Variants in DEUP1 observed in about 807,000 individuals in gnomAD.
The protein encoded by DEUP1 is coiled-coil domain containing 67.
DEUP1 carries 82 observed loss-of-function variants against 87.4 expected under a neutral mutation model. That is an observed-to-expected ratio of 0.94 (90% confidence interval 0.78 to 1.13). DEUP1 has a LOEUF of 1.13. Ranked by LOEUF, DEUP1 falls within the 50% of genes most tolerant of loss-of-function variation. DEUP1 has a pLI of 0.00. For synonymous variants in DEUP1, 214 were observed against 222.7 expected, an observed-to-expected ratio of 0.96 and a Z score of 0.35; for missense variants, 663 against 681.5, an observed-to-expected ratio of 0.97 and a Z score of 0.30.
intron 11 of DEUP1, among the ~76,000 whole-genome samples, chr11:93,399,787 A>G (rs748912884): frequency 6.6e-6 from 1 of 151,828 alleles, no homozygotes; most frequent in South Asian, 2.1e-4. Context: ...AGATAGTCTT[A>G]TCTCTTTTCC....
At position 93,409,038 on chromosome 11, in the gene DEUP1, G is replaced by A. The variant is rs1414974727; in HGVS notation, c.1523+611G>A. 2.0e-5 allele frequency among the ~76,000 whole-genome samples: 3 copies of A among 152,136 alleles called. No homozygotes were observed. In the East Asian group the frequency reaches 5.8e-4, roughly 29 times the overall value. ...CACCCGGATAATTTTTGTATTTTTA[G>A]TAGAGACAAGGTTTCACTATGTTGG... On this transcript the variant is annotated intron_variant, in intron 12 of 13. Transcript: ENST00000298050.
chr11:93,348,289 C>A (rs183359771), intron 2 of DEUP1, among the ~76,000 whole-genome samples: 20 of 152,114 alleles, frequency 1.3e-4, no homozygotes, highest in African/African-American at 4.8e-4. Context: ...AAAACCAACT[C>A]CTGGATTCAT....
chr11:93,353,218 T>C (rs959192512), intron 2 of DEUP1, among the ~76,000 whole-genome samples: 1 of 152,182 alleles, frequency 6.6e-6, no homozygotes, highest in Non-Finnish European at 1.5e-5. Flanking sequence ...CCATGCATGT[T>C]TGAAATCCAG....
At chr11:93,393,317 A>AT (rs147291187) in intron 9 of DEUP1, among the ~76,000 whole-genome samples, 38,646 of 150,122 alleles carry the variant, frequency 0.26, 5,241 homozygotes, top group South Asian at 0.37. Flanking sequence ...ATGCCTTTTT[A>AT]TTTTTTTTAT....
intron 1 of DEUP1, among the ~76,000 whole-genome samples, chr11:93,331,148 G>A (rs913291019): frequency 1.5e-5 from 2 of 137,480 alleles, no homozygotes; most frequent in African/African-American, 5.3e-5. Context: ...CACCATCCCT[G>A]CTCCTCTCCG....
intron 2 of DEUP1, among the ~76,000 whole-genome samples, chr11:93,339,547 G>A (rs1243560443): frequency 6.6e-6 from 1 of 152,124 alleles, no homozygotes; most frequent in Non-Finnish European, 1.5e-5. Context: ...ACCCATAGAG[G>A]CTATCCATTT....
chr11:93,362,651 A>G (rs1459737363), intron 4 of DEUP1, among the ~76,000 whole-genome samples: 3 of 151,918 alleles, frequency 2.0e-5, no homozygotes, highest in African/African-American at 4.8e-5. Context: ...CTGTTCATCA[A>G]AAAGTTATTA....
At position 93,385,558 on chromosome 11, in the gene DEUP1, T is replaced by C. The variant is rs201127769; in HGVS notation, c.935+15T>C. The C allele has an allele frequency of 7.6e-5, 119 of 1,573,026 alleles. 1 individual carries two copies. The East Asian group carries it at 2.6e-3, about 34-fold the overall frequency. The stretch of plus-strand genomic sequence containing the variant: ...AATAAAACAAGGTATAATCTTTATA[T>C]TTGACAATCTGAGAGAACTGTTCAA... On this transcript the variant is annotated intron_variant, in intron 8 of 13. Transcript: ENST00000298050.
intron 2 of DEUP1, among the ~76,000 whole-genome samples, chr11:93,345,953 T>C (rs964270611): frequency 6.6e-6 from 1 of 152,218 alleles, no homozygotes; most frequent in Non-Finnish European, 1.5e-5. Flanking sequence ...AGAATAGTGA[T>C]GCCTAGGTTG....
chr11:93,434,998 A>C (rs1450664028), intron 13 of DEUP1, among the ~76,000 whole-genome samples: 1 of 152,130 alleles, frequency 6.6e-6, no homozygotes, highest in Non-Finnish European at 1.5e-5. Context: ...GGACCAGTGG[A>C]TACCATGGTC....
At chr11:93,372,509 A>G (rs1195592134) in intron 7 of DEUP1, among the ~76,000 whole-genome samples, 4 of 152,070 alleles carry the variant, frequency 2.6e-5, no homozygotes, top group African/African-American at 9.7e-5. Flanking sequence ...CCAACTCCTC[A>G]TTCCCCCACC....
intron 8 of DEUP1, 100 bp downstream of exon 8, chr11:93,385,643 TTTGTATTAACATGTTAATTA>T (rs1375263228): frequency 2.2e-6 from 2 of 901,698 alleles, no homozygotes; most frequent in East Asian, 5.7e-5. Flanking sequence ...TAAAGTCTAT[TTTGTATTAACATGTTAATTA>T]GTGGGTAATA....
intron 11 of DEUP1, among the ~76,000 whole-genome samples, chr11:93,403,373 G>T (rs549394386): frequency 6.6e-6 from 1 of 151,982 alleles, no homozygotes; most frequent in South Asian, 2.1e-4. Context: ...AGAGTACTTG[G>T]TATATCCAAG....
chr11:93,418,302 CA>C (rs1423959688), intron 13 of DEUP1, among the ~76,000 whole-genome samples: 10 of 151,960 alleles, frequency 6.6e-5, no homozygotes, highest in African/African-American at 2.4e-4. Flanking sequence ...GGCTAATATC[CA>C]GAATCTACAA....
intron 5 of DEUP1, among the ~76,000 whole-genome samples, chr11:93,368,277 A>C (rs1312062933): frequency 6.6e-6 from 1 of 152,256 alleles, no homozygotes; most frequent in Non-Finnish European, 1.5e-5. Flanking sequence ...TAAATACCAT[A>C]GACTGGGTGG....
At position 93,331,166 on chromosome 11, in the gene DEUP1, T is replaced by A. The variant is rs61922363; in HGVS notation, c.-45+394T>A. 3.5e-3 allele frequency among the ~76,000 whole-genome samples: 540 copies of A among 152,122 alleles called. 2 individuals are homozygous for A. Among genetic ancestry groups the A allele is most frequent in the Non-Finnish European group, 5.1e-3 (347 of 67,942 alleles). On this transcript the variant is annotated intron_variant, in intron 1 of 13. Transcript: ENST00000298050. Reference sequence around the variant, plus strand: ...CATCCCTGCTCCTCTCCGCTCTGTCTCTCTTAATTCCAGGGTCTCTCTTAA... The same window carrying A: ...CATCCCTGCTCCTCTCCGCTCTGTCACTCTTAATTCCAGGGTCTCTCTTAA...
At chr11:93,356,901 C>A in intron 3 of DEUP1, 47 bp from the exon 4 acceptor site, 2 of 1,223,018 alleles carry the variant, frequency 1.6e-6, no homozygotes, top group South Asian at 1.4e-5. Context: ...CTGATTTTGT[C>A]AGGCAAAATT....
rs1321164980 is a variant in DEUP1, at chr11:93,437,900, T to G, written c.*181T>G. The G allele has an allele frequency of 8.2e-6, 4 of 485,702 alleles. No individual in the cohort carries two copies. Among genetic ancestry groups the G allele is most frequent in the African/African-American group, 2.0e-5 (1 of 51,076 alleles). The allele number at this position is 485,702 out of a possible 1,614,324, so 30.1% of individuals were successfully genotyped here. On this transcript the variant is annotated 3_prime_UTR_variant, in exon 14 of 14. Transcript: ENST00000298050. ...TTTGTTCTATAAAGCTGTTCACATT[T>G]CTGCATTAACATGCTAAATTGTCCT...
At chr11:93,413,469 C>T (rs886832111) in intron 12 of DEUP1, among the ~76,000 whole-genome samples, 3 of 152,164 alleles carry the variant, frequency 2.0e-5, no homozygotes, top group Non-Finnish European at 4.4e-5. Flanking sequence ...GTCTCGATCT[C>T]CTGACCTCGT....
Sources: gnomAD v4.1 joint callset for allele counts (sites outside exome capture counted in the v4.1 genomes callset) on GRCh38, gnomAD v4.1.1 for gene constraint, MANE v1.5 for transcripts, NCBI Gene and HGNC (gene_info 2026-07-23, HGNC 2026-07-21) for gene names.